Variants in ITGB3BP observed in about 807,000 individuals in gnomAD.
The protein encoded by ITGB3BP is centromere protein R.
In ITGB3BP, 27 loss-of-function variants were observed where a neutral mutation model predicts 29.1. The observed-to-expected ratio is 0.93, with a 90% CI of 0.68 to 1.28. The LOEUF (loss-of-function observed/expected upper bound fraction) is 1.28. ITGB3BP is among the 50% of genes most tolerant of loss of function. The pLI, the probability that ITGB3BP is intolerant of heterozygous loss-of-function variation, is 0.00. For synonymous variants in ITGB3BP, 61 were observed against 61.4 expected, an observed-to-expected ratio of 0.99 and a Z score of 0.03; for missense variants, 192 against 200.2, an observed-to-expected ratio of 0.96 and a Z score of 0.25.
rs573548727 is a variant in ITGB3BP, at chr1:63,476,365, G to A, written c.254+2399C>T. ...TTTTAGTAGATAATAATGGGCACCC[G>A]GCCTATTATTTTTATATGTTGTAAA... On this transcript the variant is annotated intron_variant, in intron 4 of 8. Transcript: ENST00000271002. Among the ~76,000 whole-genome samples, 16 of 151,934 alleles carry A rather than the reference G, an allele frequency of 1.1e-4. 1 individual carries two copies. The South Asian group carries it at 2.9e-3, about 28-fold the overall frequency.
chr1:63,527,409 C>A (rs912765099), upstream of ITGB3BP, among the ~76,000 whole-genome samples: 7 of 143,480 alleles, frequency 4.9e-5, no homozygotes, highest in African/African-American at 1.6e-4. Context: ...CTGCTTCTTG[C>A]TACACCTTTC....
chr1:63,457,700 A>C (rs1644955076), intron 4 of ITGB3BP: 1 of 152,162 alleles, frequency 6.6e-6, no homozygotes, highest in South Asian at 2.1e-4. Context: ...TCTCAAATAG[A>C]TTTGCCTCTC....
chr1:63,523,910 A>G (rs2100851753), upstream of ITGB3BP, among the ~76,000 whole-genome samples: 1 of 152,104 alleles, frequency 6.6e-6, no homozygotes, highest in African/African-American at 2.4e-5. Flanking sequence ...GGCGCTTGTT[A>G]ACAGTTTATT....
chr1:63,525,697 C>CATATAAATATTTAA, upstream of ITGB3BP: 1 of 1,596,596 alleles, frequency 6.3e-7, no homozygotes, highest in Non-Finnish European at 8.5e-7. Context: ...TGTAGAGCTG[C>CATATAAATATTTAA]CTACTTAACT....
At chr1:63,449,185 C>A (rs920899599) in intron 7 of ITGB3BP, 1 of 152,556 alleles carries the variant, frequency 6.6e-6, no homozygotes, top group South Asian at 2.1e-4. Context: ...TCTCTCACCA[C>A]ACACAAATAA....
chr1:63,469,762 G>A (rs550019283), intron 4 of ITGB3BP, among the ~76,000 whole-genome samples: 1 of 152,348 alleles, frequency 6.6e-6, no homozygotes, highest in East Asian at 1.9e-4. Flanking sequence ...CATATAACAT[G>A]TCTGAAAAAA....
rs190436972 is a variant in ITGB3BP at position 63,441,271 on chromosome 1, A to T, written c.*2-168T>A. Among the ~76,000 whole-genome samples, 236 of 151,542 alleles carry T rather than the reference A, an allele frequency of 1.6e-3. 2 individuals carry two copies. Among genetic ancestry groups the T allele is most frequent in the African/African-American group, 5.4e-3 (225 of 41,296 alleles). ...CTTTTTTCTTTTGAGACGGAGTCTC[A>T]CTCTCCCCCAGGCTGGAGTGGAGTG... is the stretch of plus-strand genomic sequence containing the variant. On this transcript the variant is annotated intron_variant, in intron 8 of 8. Transcript: ENST00000271002.
chr1:63,494,243 G>A (rs1205679569), intron 2 of ITGB3BP, among the ~76,000 whole-genome samples: 3 of 151,838 alleles, frequency 2.0e-5, no homozygotes, highest in Admixed American at 6.6e-5. Context: ...GGGTTCAAGC[G>A]AAGTAGCTGG....
At chr1:63,528,995 C>G (rs1339495667) in intron 2 of ITGB3BP, 1 of 152,042 alleles carries the variant, frequency 6.6e-6, no homozygotes, top group Non-Finnish European at 1.5e-5. Flanking sequence ...TTTACATCTA[C>G]TTGTATTCCC....
intron 2 of ITGB3BP, among the ~76,000 whole-genome samples, chr1:63,491,252 C>A (rs1316240751): frequency 6.6e-6 from 1 of 152,172 alleles, no homozygotes; most frequent in East Asian, 1.9e-4. Flanking sequence ...CACCCACCAG[C>A]ACTGCTAAAT....
intron 3 of ITGB3BP, among the ~76,000 whole-genome samples, chr1:63,481,572 A>C (rs1570219439): frequency 6.6e-6 from 1 of 152,322 alleles, no homozygotes; most frequent in East Asian, 1.9e-4. Context: ...GACTCTCTTC[A>C]AGTGCAGTTT....
intron 2 of ITGB3BP, among the ~76,000 whole-genome samples, chr1:63,493,109 T>C (rs1449480069): frequency 3.9e-5 from 5 of 129,478 alleles, no homozygotes; most frequent in African/African-American, 5.6e-5. Flanking sequence ...CGCAAGAAAA[T>C]AGATGTCACA....
At chr1:63,456,019 C>T (rs1644931235) in intron 4 of ITGB3BP, among the ~76,000 whole-genome samples, 1 of 152,130 alleles carries the variant, frequency 6.6e-6, no homozygotes, top group South Asian at 2.1e-4. Context: ...TCATTTCATA[C>T]TAGCCACATT....
At chr1:63,528,821 T>C (rs2474469) in intron 2 of ITGB3BP, among the ~76,000 whole-genome samples, 115,536 of 152,090 alleles carry the variant, frequency 0.76, 44,493 homozygotes, top group African/African-American at 0.87. Flanking sequence ...TGTGTAAATG[T>C]GTTCTGTATA....
intron 3 of ITGB3BP, among the ~76,000 whole-genome samples, chr1:63,481,342 G>T (rs1645433555): frequency 6.6e-6 from 1 of 152,072 alleles, no homozygotes; most frequent in African/African-American, 2.4e-5. Flanking sequence ...ATTTCTAAGA[G>T]TAATACTTAG....
At chr1:63,465,782 G>C (rs1645089348) in intron 4 of ITGB3BP, among the ~76,000 whole-genome samples, 1 of 151,962 alleles carries the variant, frequency 6.6e-6, no homozygotes, top group Non-Finnish European at 1.5e-5. Context: ...CAAGATTTTT[G>C]TTTGAATAAA....
At chr1:63,443,389 G>C (rs1369814188) in intron 8 of ITGB3BP, among the ~76,000 whole-genome samples, 3 of 152,124 alleles carry the variant, frequency 2.0e-5, no homozygotes, top group Non-Finnish European at 4.4e-5. Flanking sequence ...GAGGGAAAAG[G>C]CATGCTAGGT....
chr1:63,522,465 A>C (rs1303433105), intron 1 of ITGB3BP, among the ~76,000 whole-genome samples: 3 of 152,182 alleles, frequency 2.0e-5, no homozygotes, highest in African/African-American at 7.2e-5. Context: ...GGCTTTTTTA[A>C]GTTTCTATAG....
intron 2 of ITGB3BP, among the ~76,000 whole-genome samples, chr1:63,499,548 A>G (rs1279936569): frequency 6.6e-6 from 1 of 152,188 alleles, no homozygotes; most frequent in Non-Finnish European, 1.5e-5. Context: ...TATTATCCTG[A>G]TACCAGAACA....
Sources: gnomAD v4.1 joint callset for allele counts (sites outside exome capture counted in the v4.1 genomes callset) on GRCh38, gnomAD v4.1.1 for gene constraint, MANE v1.5 for transcripts, NCBI Gene and HGNC (gene_info 2026-07-23, HGNC 2026-07-21) for gene names.